The following PCGF2 variants were observed in gnomAD, a reference collection of about 807,000 sequenced individuals.
PCGF2 encodes the protein polycomb group ring finger 2, also known as polycomb group RING finger protein 2.
PCGF2 carries 8 observed loss-of-function variants against 36.1 expected under a neutral mutation model. The ratio of observed to expected loss-of-function variants is 0.22; its 90% confidence interval spans 0.13 to 0.40. The LOEUF (loss-of-function observed/expected upper bound fraction) is 0.40, where lower values mean the gene tolerates loss of function less well. Ranked by LOEUF, PCGF2 falls within the 10% of genes least tolerant of loss-of-function variation. The pLI, the probability that PCGF2 is intolerant of heterozygous loss-of-function variation, is 1.00. For synonymous variants in PCGF2, 198 were observed against 191.2 expected, an observed-to-expected ratio of 1.04 and a Z score of -0.29; for missense variants, 436 against 475.9, an observed-to-expected ratio of 0.92 and a Z score of 0.78.
intron 9 of PCGF2, among the ~76,000 whole-genome samples, chr17:38,736,706 T>C (rs950663632): frequency 5.3e-5 from 8 of 151,110 alleles, no homozygotes; most frequent in South Asian, 2.1e-4. Context: ...TGGTGGCGGG[T>C]GTCTGTAGTC....
intron 10 of PCGF2, 60 bp downstream of exon 10, chr17:38,736,030 A>G: frequency 8.6e-7 from 1 of 1,165,724 alleles, no homozygotes; most frequent in Non-Finnish European, 1.3e-6. Flanking sequence ...CCATGTGGCC[A>G]CAGACCTATG....
intron 2 of PCGF2, 113 bp from the exon 3 acceptor site, chr17:38,740,555 T>G (rs868566997): frequency 4.4e-6 from 3 of 678,284 alleles, no homozygotes; most frequent in Admixed American, 3.1e-5. Context: ...GTCAGGAGAT[T>G]GAGACCATCT....
upstream of PCGF2, chr17:38,748,520 C>G (rs1234578724): frequency 6.6e-6 from 1 of 152,184 alleles, no homozygotes; most frequent in Non-Finnish European, 1.5e-5. Flanking sequence ...GGGAGGCTGG[C>G]GCGGCCGCTC....
intron 9 of PCGF2, among the ~76,000 whole-genome samples, chr17:38,737,055 CG>C (rs957516659): frequency 6.6e-6 from 1 of 151,774 alleles, no homozygotes; most frequent in African/African-American, 2.4e-5. Flanking sequence ...CGCTTGAGCC[CG>C]GGGGGTCAGC....
At chr17:38,741,482 G>A (rs577889505) in intron 2 of PCGF2, among the ~76,000 whole-genome samples, 12 of 152,010 alleles carry the variant, frequency 7.9e-5, no homozygotes, top group East Asian at 7.8e-4. Context: ...CTTCCACTAC[G>A]TCCCAGCCTC....
chr17:38,740,872 AG>A (rs1242749980), intron 2 of PCGF2, among the ~76,000 whole-genome samples: 5 of 152,148 alleles, frequency 3.3e-5, no homozygotes, highest in Non-Finnish European at 7.4e-5. Context: ...CTCTGCCTTC[AG>A]GGTGGGCTGG....
chr17:38,747,245 G>T (rs1051659723), intron 2 of PCGF2, among the ~76,000 whole-genome samples: 2 of 152,192 alleles, frequency 1.3e-5, no homozygotes, highest in Admixed American at 6.5e-5. Flanking sequence ...CAGGCAGGGG[G>T]TGTCTGCTTG....
At chr17:38,740,178 G>A in intron 3 of PCGF2, 113 bp downstream of exon 3, 2 of 881,798 alleles carry the variant, frequency 2.3e-6, no homozygotes, top group South Asian at 1.6e-5. Context: ...AGACACGTGG[G>A]CGCGTTGGCT....
chr17:38,742,680 T>C (rs1359673428), intron 2 of PCGF2, among the ~76,000 whole-genome samples: 1 of 152,226 alleles, frequency 6.6e-6, no homozygotes, highest in Non-Finnish European at 1.5e-5. Context: ...CTCCACTGTT[T>C]GGTCGTTTCC....
At chr17:38,743,306 G>T (rs1234560894) in intron 2 of PCGF2, among the ~76,000 whole-genome samples, 2 of 149,972 alleles carry the variant, frequency 1.3e-5, no homozygotes, top group Non-Finnish European at 3.0e-5. Flanking sequence ...ATGTCAGCCA[G>T]CCTTGAACTC....
chr17:38,738,322 C>A (rs1367873673), intron 9 of PCGF2, 31 bp downstream of exon 9: 5 of 1,554,020 alleles, frequency 3.2e-6, no homozygotes, highest in Admixed American at 1.7e-5. Context: ...CATACACAGA[C>A]ACTCATTTTT....
chr17:38,747,629 C>G (rs1001810963), intron 2 of PCGF2, among the ~76,000 whole-genome samples: 3 of 152,034 alleles, frequency 2.0e-5, no homozygotes, highest in South Asian at 4.1e-4. Context: ...CGAGAGGACC[C>G]GGACCCCGGC....
In PCGF2 at chr17:38,748,201, T is replaced by C. The variant is rs1392286908; in HGVS notation, c.-139A>G. 1 of 110,018 alleles carries C rather than the reference T, an allele frequency of 9.1e-6. No homozygotes were observed. The highest frequency in any genetic ancestry group is 3.5e-5 in the African/African-American group (1 of 28,726). 6.8% of individuals were successfully genotyped at this position (110,018 alleles called of 1,614,324 possible). The stretch of plus-strand genomic sequence containing the variant: ...GGGGAGTCCGCTCCGCTTACCTGGG[T>C]TCGGGGTCCGGTGGGTCTCGGGGAG... On this transcript the variant is annotated 5_prime_UTR_variant, in exon 1 of 11. Coordinates refer to ENST00000620225, the MANE Select transcript of PCGF2 (RefSeq NM_007144.3).
upstream of PCGF2, among the ~76,000 whole-genome samples, chr17:38,749,067 G>T (rs1453806650): frequency 6.6e-6 from 1 of 152,114 alleles, no homozygotes; most frequent in Non-Finnish European, 1.5e-5. The surrounding 1 kb of genome is among the most constrained non-coding windows in gnomAD (Gnocchi z 6.5). Flanking sequence ...CGGAGGCTGC[G>T]CCCCCGGCGT....
At chr17:38,738,929 T>C in intron 6 of PCGF2, 68 bp from the exon 7 acceptor site, 1 of 1,540,068 alleles carries the variant, frequency 6.5e-7, no homozygotes, top group African/African-American at 1.4e-5. Flanking sequence ...GACCCAGAGA[T>C]CATGAACTCA....
Position 38,736,156 on chromosome 17 carries a change from G to T in PCGF2, c.591C>A (p.Tyr197Ter). The T allele has an allele frequency of 6.4e-7, 1 of 1,572,338 alleles. No homozygotes were observed. Among genetic ancestry groups the T allele is most frequent in the Non-Finnish European group, 8.6e-7 (1 of 1,158,790 alleles). The change falls in exon 10 of 11, where the codon TAC becomes TAA. Residue 197 changes from tyrosine (Y) to a stop codon, truncating the protein, a stop_gained. Coordinates refer to ENST00000620225, the MANE Select transcript of PCGF2 (RefSeq NM_007144.3). LOFTEE classifies it high-confidence loss of function. ...VPSKYKVEVL[Y>*]EDEPLKEYYT... ...AGTATTCCTTCAGTGGCTCGTCCTCGTACAGAACCTCCACCTGGGGGAGGG... is the reference window on the plus strand; with the variant it reads ...AGTATTCCTTCAGTGGCTCGTCCTCTTACAGAACCTCCACCTGGGGGAGGG...
intron 2 of PCGF2, among the ~76,000 whole-genome samples, chr17:38,744,571 G>T (rs1474823541): frequency 6.6e-6 from 1 of 152,110 alleles, no homozygotes; most frequent in East Asian, 1.9e-4. Flanking sequence ...GGCCAGGCTG[G>T]TTTCCAACTC....
chr17:38,740,145 T>C (rs1424466423), intron 3 of PCGF2, 146 bp downstream of exon 3: 1 of 691,328 alleles, frequency 1.4e-6, no homozygotes, highest in Non-Finnish European at 2.5e-6. Context: ...AGGTAGGCCC[T>C]CTGTGACCTA....
At position 38,735,591 on chromosome 17, in the gene PCGF2, G is replaced by C; in HGVS notation, c.667C>G (p.Leu223Val). 1 of 1,570,938 alleles carries C rather than the reference G, an allele frequency of 6.4e-7. No individual in the cohort carries two copies. The highest frequency in any genetic ancestry group is 1.2e-5 in the South Asian group (1 of 86,024). Residue 223 changes from leucine to valine, a missense_variant, in exon 11 of 11, where the codon CTC becomes GTC. Physicochemically the swap from Leu to Val is conservative, Grantham distance 32. Coordinates refer to ENST00000620225, the MANE Select transcript of PCGF2 (RefSeq NM_007144.3). ...GGCTGGACACGGTACTTGAGGGGGA[G>C]AGGCCCGTTCTGCGGGGAGAGTGGG... Reference protein sequence around the residue: ...YIYPWRRNGPLPLKYRVQPAC... With the variant: ...YIYPWRRNGPVPLKYRVQPAC...
Sources: gnomAD v4.1 joint callset for allele counts (sites outside exome capture counted in the v4.1 genomes callset) on GRCh38, gnomAD v4.1.1 for gene constraint, Gnocchi (gnomAD v3.1) non-coding constraint, MANE v1.5 for transcripts, NCBI Gene and HGNC (gene_info 2026-07-23, HGNC 2026-07-21) for gene names.